LEKR1: variants seen among roughly 807,000 people sequenced by gnomAD.
LEKR1 encodes the protein leucine, glutamate and lysine rich 1.
Under a neutral mutation model 72.4 loss-of-function variants are expected in LEKR1, and 59 were observed. The ratio of observed to expected loss-of-function variants is 0.82; its 90% CI spans 0.66 to 1.01. LEKR1 has a LOEUF of 1.01. Among genes scored for constraint, LEKR1 ranks in the 50% least tolerant of loss-of-function variants. The pLI is 0.00. For synonymous variants in LEKR1, 257 were observed against 263.2 expected (o/e 0.98, Z 0.23); for missense variants, 728 against 759.2 (o/e 0.96, Z 0.48).
chr3:156,958,125 C>T (rs1377641793), intron 6 of LEKR1, among the ~76,000 whole-genome samples: 4 of 152,134 alleles, frequency 2.6e-5, no homozygotes, highest in South Asian at 2.1e-4. Flanking sequence ...CACTTCACTA[C>T]GTACCTATCT....
chr3:156,994,734 T>C (rs1484493931), intron 9 of LEKR1, among the ~76,000 whole-genome samples: 2 of 152,234 alleles, frequency 1.3e-5, no homozygotes, highest in Non-Finnish European at 2.9e-5. Context: ...ACACACATCA[T>C]ACATCTTTGA....
chr3:156,961,260 A>G (rs1167743263), intron 6 of LEKR1, among the ~76,000 whole-genome samples: 1 of 152,258 alleles, frequency 6.6e-6, no homozygotes, highest in Non-Finnish European at 1.5e-5. Context: ...AATCTTTTAA[A>G]ACAGCTTTAC....
At chr3:157,016,464 A>T (rs1389531981) in intron 10 of LEKR1, among the ~76,000 whole-genome samples, 1 of 152,158 alleles carries the variant, frequency 6.6e-6, no homozygotes, top group African/African-American at 2.4e-5. Flanking sequence ...GAAAGCTGTC[A>T]ACCTAGAATT....
chr3:156,920,237 G>A (rs1278062778), intron 3 of LEKR1, among the ~76,000 whole-genome samples: 3 of 151,930 alleles, frequency 2.0e-5, no homozygotes, highest in African/African-American at 4.8e-5. Flanking sequence ...ATTTGAACAT[G>A]TATTACTTTA....
intron 7 of LEKR1, among the ~76,000 whole-genome samples, chr3:156,985,798 G>C (rs1484017757): frequency 6.8e-6 from 1 of 147,746 alleles, no homozygotes; most frequent in East Asian, 2.0e-4. Context: ...AGGCAAGATC[G>C]CACCACTGCA....
At chr3:156,923,916 A>T (rs868597179) in intron 4 of LEKR1, among the ~76,000 whole-genome samples, 1 of 151,994 alleles carries the variant, frequency 6.6e-6, no homozygotes, top group East Asian at 1.9e-4. Context: ...TTTAGTAGAG[A>T]TGGGATTTCA....
chr3:156,898,674 C>A (rs1721453304), intron 3 of LEKR1, among the ~76,000 whole-genome samples: 1 of 152,010 alleles, frequency 6.6e-6, no homozygotes, highest in South Asian at 2.1e-4. Flanking sequence ...GAAAAAAAAA[C>A]CCAAAACTAT....
chr3:156,966,490 C>T (rs190371317), intron 6 of LEKR1, among the ~76,000 whole-genome samples: 4 of 152,184 alleles, frequency 2.6e-5, no homozygotes, highest in Non-Finnish European at 2.9e-5. Flanking sequence ...TATCCCGCAC[C>T]GGGCGTGGAG....
At position 156,912,399 on chromosome 3, in the gene LEKR1, G is replaced by A. The variant is rs1344545268; in HGVS notation, c.264-8176G>A. On this transcript the variant is annotated intron_variant, in intron 3 of 12. Transcript: ENST00000356539. ...ACAGTAGAGTTCGCATAAGGAGTGG[G>A]GGGTAGCAGGTGGCAGTATGTCTCA... Among the ~76,000 whole-genome samples, 3 of 152,134 alleles carry A rather than the reference G, an allele frequency of 2.0e-5. No homozygotes were observed. The East Asian group carries it at 5.8e-4, about 29-fold the overall frequency.
chr3:156,937,408 A>G (rs1576859317), intron 5 of LEKR1, among the ~76,000 whole-genome samples: 1 of 152,206 alleles, frequency 6.6e-6, no homozygotes, highest in East Asian at 1.9e-4. Flanking sequence ...ATGGCAAATA[A>G]GTACATGAAA....
intron 6 of LEKR1, among the ~76,000 whole-genome samples, chr3:156,952,391 A>C (rs561836055): frequency 6.6e-6 from 1 of 151,630 alleles, no homozygotes; most frequent in South Asian, 2.1e-4. Flanking sequence ...GAAATTCTTT[A>C]ATGTATAAAT....
rs776337543 is a variant in LEKR1, at chr3:157,045,364, C to T, written c.1693C>T (p.Arg565Cys). Residue 565 changes from arginine (R) to cysteine (C), a missense_variant, in exon 13 of 13, where the codon CGT (arginine) becomes TGT (cysteine). Physicochemically the swap from Arg to Cys is radical, Grantham distance 180. Transcript: ENST00000356539. ...EENTFLQETV[R>C]RECEERFELT... ...GAATACTTTTCTTCAGGAGACAGTG[C>T]GTAGAGAATGTGAAGAACGCTTTGA... 7.4e-6 allele frequency: 12 copies of T among 1,613,462 alleles called. No individual in the cohort carries two copies. The Admixed American group carries it at 1.8e-4, about 25-fold the overall frequency.
intron 2 of LEKR1, among the ~76,000 whole-genome samples, chr3:156,835,989 T>C (rs1329554886): frequency 6.8e-6 from 1 of 147,548 alleles, no homozygotes. Context: ...TTCTTGTGCC[T>C]CAGCCTTCTG....
intron 12 of LEKR1, among the ~76,000 whole-genome samples, chr3:157,034,795 ATTG>A: frequency 6.6e-6 from 1 of 152,254 alleles, no homozygotes; most frequent in Middle Eastern, 3.4e-3. Context: ...GGCAAACATC[ATTG>A]TTGTCTTTTT....
chr3:156,898,402 C>G (rs1297120496), intron 3 of LEKR1, among the ~76,000 whole-genome samples: 1 of 152,058 alleles, frequency 6.6e-6, no homozygotes, highest in African/African-American at 2.4e-5. Flanking sequence ...AAAATCAGAG[C>G]TTAGTCCTCA....
intron 5 of LEKR1, 64 bp downstream of exon 5, chr3:156,927,668 AAAT>A: frequency 3.3e-6 from 2 of 599,102 alleles, no homozygotes; most frequent in Non-Finnish European, 4.8e-6. Flanking sequence ...ATAAGTAATA[AAAT>A]AATGATATTT....
chr3:156,901,000 T>G (rs993059520), intron 3 of LEKR1, among the ~76,000 whole-genome samples: 1 of 152,136 alleles, frequency 6.6e-6, no homozygotes, highest in East Asian at 1.9e-4. Context: ...ATTATTAAAA[T>G]TTTTTAAAGA....
chr3:157,025,792 C>G (rs1734142270), intron 11 of LEKR1, among the ~76,000 whole-genome samples: 1 of 151,712 alleles, frequency 6.6e-6, no homozygotes, highest in African/African-American at 2.4e-5. Flanking sequence ...TTGAGAGGCC[C>G]AAGCAAGAGG....
chr3:157,044,135 G>C (rs1735572652), intron 12 of LEKR1, among the ~76,000 whole-genome samples: 1 of 152,222 alleles, frequency 6.6e-6, no homozygotes, highest in Non-Finnish European at 1.5e-5. Context: ...TTTACACTAA[G>C]AAGCAGACTT....
Sources: gnomAD v4.1 joint callset for allele counts (sites outside exome capture counted in the v4.1 genomes callset) on GRCh38, gnomAD v4.1.1 for gene constraint, MANE v1.5 for transcripts, NCBI Gene and HGNC (gene_info 2026-07-23, HGNC 2026-07-21) for gene names.